Variants in OSBPL8 observed in about 807,000 individuals in gnomAD.
The protein encoded by OSBPL8 is oxysterol binding protein like 8, also known as oxysterol-binding protein-related protein 8.
Under a neutral mutation model 125.5 loss-of-function variants are expected in OSBPL8, and 59 were observed. The ratio of observed to expected loss-of-function variants is 0.47; its 90% CI spans 0.38 to 0.58. The LOEUF (loss-of-function observed/expected upper bound fraction) is 0.58. Among genes scored for constraint, OSBPL8 ranks in the 20% least tolerant of loss-of-function variants. The probability of loss-of-function intolerance (pLI) is 0.00; values close to 1 mark genes in which losing one functional copy is unlikely to be tolerated. For missense variants in OSBPL8, 758 were observed against 1,047.8 expected (o/e 0.72, Z 3.82); for synonymous variants, 330 against 338.9 (o/e 0.97, Z 0.29).
At chr12:76,441,951 T>A (rs1201332934) in intron 4 of OSBPL8, among the ~76,000 whole-genome samples, 2 of 152,212 alleles carry the variant, frequency 1.3e-5, no homozygotes, top group Non-Finnish European at 2.9e-5. Context: ...ATTGATTGTC[T>A]GTAACACAAA....
intron 1 of OSBPL8, among the ~76,000 whole-genome samples, chr12:76,558,134 A>AT (rs913942856): frequency 6.6e-5 from 10 of 151,962 alleles, no homozygotes; most frequent in African/African-American, 2.4e-4. Flanking sequence ...TATTAAAAAA[A>AT]AATAAAAGTA....
chr12:76,473,422 A>G (rs891809427), intron 2 of OSBPL8, among the ~76,000 whole-genome samples: 1 of 152,202 alleles, frequency 6.6e-6, no homozygotes, highest in African/African-American at 2.4e-5. Flanking sequence ...ATTTCACAAC[A>G]GCATGCTAAC....
At chr12:76,519,718 G>A (rs1360636125) in intron 1 of OSBPL8, among the ~76,000 whole-genome samples, 1 of 152,148 alleles carries the variant, frequency 6.6e-6, no homozygotes, top group Non-Finnish European at 1.5e-5. Context: ...GTTACATCAT[G>A]GGGAAGGTGA....
At chr12:76,472,202 G>C (rs532307434) in intron 2 of OSBPL8, among the ~76,000 whole-genome samples, 2 of 152,336 alleles carry the variant, frequency 1.3e-5, no homozygotes, top group East Asian at 3.9e-4. Context: ...GCATCTGTAA[G>C]ATGAGGATAC....
chr12:76,423,533 TA>T (rs1014640543), intron 4 of OSBPL8, among the ~76,000 whole-genome samples: 3 of 152,182 alleles, frequency 2.0e-5, no homozygotes, highest in Non-Finnish European at 1.5e-5. Flanking sequence ...AAATTTTTTT[TA>T]AAAGCAACTT....
At chr12:76,430,168 C>T (rs527483924) in intron 4 of OSBPL8, among the ~76,000 whole-genome samples, 3 of 152,136 alleles carry the variant, frequency 2.0e-5, no homozygotes, top group Admixed American at 6.5e-5. Context: ...AATGGACCTA[C>T]CATCTACAGA....
intron 1 of OSBPL8, among the ~76,000 whole-genome samples, chr12:76,555,428 T>G (rs907873996): frequency 6.6e-6 from 1 of 152,178 alleles, no homozygotes; most frequent in Non-Finnish European, 1.5e-5. Context: ...AGAATTTTGA[T>G]TCTGATCAAT....
chr12:76,459,741 G>A, intron 3 of OSBPL8, 118 bp downstream of exon 3: 1 of 1,188,330 alleles, frequency 8.4e-7, no homozygotes, highest in African/African-American at 1.5e-5. Context: ...TCAATTCCTG[G>A]AAAGAAAAGT....
intron 1 of OSBPL8, among the ~76,000 whole-genome samples, chr12:76,510,198 A>G (rs1463617380): frequency 6.6e-6 from 1 of 152,246 alleles, no homozygotes; most frequent in Non-Finnish European, 1.5e-5. Flanking sequence ...AAATCTTATG[A>G]AAAACTTAAA....
At position 76,457,500 on chromosome 12, in the gene OSBPL8, G is replaced by T. The variant is rs374306043; in HGVS notation, c.79+2359C>A. Among the ~76,000 whole-genome samples, 26 of 151,844 alleles carry T rather than the reference G, an allele frequency of 1.7e-4. No homozygotes were observed. In the South Asian group the frequency reaches 3.7e-3, roughly 22 times the overall value. ...ACAGTTCATCTGTGAGTTTTAAATT[G>T]TCACAAACCTCAGAAAAATTTTCCA... On this transcript the variant is annotated intron_variant, in intron 3 of 23. Coordinates refer to ENST00000261183, the MANE Select transcript of OSBPL8 (RefSeq NM_020841.5).
At position 76,354,312 on chromosome 12, in the gene OSBPL8, G is replaced by T. The variant is rs968771650; in HGVS notation, c.*1577C>A. ...TTTTGCCAAGAAAACATGGGAAATG[G>T]TTCTTCACAGAAACCTAAGGATACT... On this transcript the variant is annotated 3_prime_UTR_variant, in exon 24 of 24. Coordinates refer to ENST00000261183, the MANE Select transcript of OSBPL8 (RefSeq NM_020841.5). 6.6e-6 allele frequency: 1 copy of T among 151,864 alleles called. No homozygotes were observed. Among genetic ancestry groups the T allele is most frequent in the Non-Finnish European group, 1.5e-5 (1 of 67,768 alleles). 9.4% of individuals were successfully genotyped at this position (151,864 alleles called of 1,614,324 possible).
intron 1 of OSBPL8, among the ~76,000 whole-genome samples, chr12:76,555,151 A>T (rs942621334): frequency 2.0e-5 from 3 of 152,156 alleles, no homozygotes; most frequent in Non-Finnish European, 4.4e-5. Flanking sequence ...TTTTTGGTAA[A>T]TTTTTTCTTA....
chr12:76,507,176 G>A (rs17197894), intron 1 of OSBPL8, among the ~76,000 whole-genome samples: 24,094 of 151,480 alleles, frequency 0.16, 2,299 homozygotes, highest in Middle Eastern at 0.24. Flanking sequence ...CAGTACTCCA[G>A]AAGCTGGGGA....
At chr12:76,553,471 C>T (rs190458074) in intron 1 of OSBPL8, among the ~76,000 whole-genome samples, 1 of 146,960 alleles carries the variant, frequency 6.8e-6, no homozygotes, top group Non-Finnish European at 1.5e-5. Context: ...CAAGACCAAG[C>T]TGGGCAACAT....
chr12:76,418,010 CTTTT>C (rs35319213), intron 4 of OSBPL8, among the ~76,000 whole-genome samples: 2 of 111,558 alleles, frequency 1.8e-5, no homozygotes, highest in East Asian at 2.2e-4. Flanking sequence ...TTTTCACTAC[CTTTT>C]TTTTTTTTTT....
intron 19 of OSBPL8, 108 bp downstream of exon 19, chr12:76,371,340 T>A (rs925740967): frequency 8.4e-7 from 1 of 1,196,124 alleles, no homozygotes; most frequent in African/African-American, 1.5e-5. Context: ...GATAAACTAT[T>A]TTGCTGAATT....
intron 2 of OSBPL8, among the ~76,000 whole-genome samples, chr12:76,486,795 T>A (rs1395946575): frequency 6.6e-6 from 1 of 152,162 alleles, no homozygotes; most frequent in Non-Finnish European, 1.5e-5. Context: ...CCACTATTAC[T>A]CATAGCTGCA....
At position 76,369,707 on chromosome 12, in the gene OSBPL8, T is replaced by G. The variant is rs1381076309; in HGVS notation, c.2170A>C (p.Asn724His). The part of the protein sequence containing the change: ...RQAARDRKTK[N>H]EEWSCKLFEL... ...AATAATTTGCAAGACCACTCTTCAT[T>G]TTTTGTTTTCCGATCCCTGGCAGCT... Residue 724 changes from asparagine to histidine, a missense_variant, in exon 20 of 24, where the codon AAT becomes CAT. Coordinates refer to ENST00000261183, the MANE Select transcript of OSBPL8 (RefSeq NM_020841.5). 2 of 1,613,640 alleles carry G rather than the reference T, an allele frequency of 1.2e-6. No individual in the cohort carries two copies. Among genetic ancestry groups the G allele is most frequent in the African/African-American group, 2.7e-5 (2 of 74,904 alleles).
intron 1 of OSBPL8, among the ~76,000 whole-genome samples, chr12:76,530,885 T>C (rs1486613310): frequency 6.6e-6 from 1 of 152,198 alleles, no homozygotes; most frequent in African/African-American, 2.4e-5. Context: ...CTGAAGATCT[T>C]CCACTTCCAG....
Sources: gnomAD v4.1 joint callset for allele counts (sites outside exome capture counted in the v4.1 genomes callset) on GRCh38, gnomAD v4.1.1 for gene constraint, MANE v1.5 for transcripts, NCBI Gene and HGNC (gene_info 2026-07-23, HGNC 2026-07-21) for gene names.